Variants in TAS1R1 observed in about 807,000 individuals in gnomAD.
TAS1R1 encodes the protein taste 1 receptor member 1, also known as taste receptor type 1 member 1.
Under a neutral mutation model 45.8 loss-of-function variants are expected in TAS1R1, and 31 were observed. That is an observed-to-expected ratio of 0.68 (90% CI 0.51 to 0.91). TAS1R1 has a LOEUF of 0.91. TAS1R1 is among the 40% of genes least tolerant of loss of function. The probability of loss-of-function intolerance (pLI) is 0.00; values close to 1 mark genes in which losing one functional copy is unlikely to be tolerated. For synonymous variants in TAS1R1, 437 were observed against 448.4 expected, an observed-to-expected ratio of 0.97 and a Z score of 0.32; for missense variants, 1,051 against 1,063.9, an observed-to-expected ratio of 0.99 and a Z score of 0.17.
rs1382869711 is a variant in TAS1R1, at chr1:6,579,567, C to T, written c.2509C>T (p.Arg837Cys). ...GGCCTCCATTCAGGACTACACGAGG[C>T]GCTGCGGCTCCACCTGACCAGTGGG... The part of the protein sequence containing the change: ...FQASIQDYTR[R>C]CGST Residue 837 changes from arginine to cysteine, a missense_variant, in exon 6 of 6, where the codon CGC (arginine) becomes TGC (cysteine). Arg to Cys is a radical substitution (Grantham distance 180). Coordinates refer to ENST00000333172, the MANE Select transcript of TAS1R1 (RefSeq NM_138697.4). 1 of 1,606,324 alleles carries T rather than the reference C, an allele frequency of 6.2e-7. No homozygotes were observed. The highest frequency in any genetic ancestry group is 8.5e-7 in the Non-Finnish European group (1 of 1,177,714).
Position 6,579,708 on chromosome 1 carries a change from G to C in TAS1R1, c.*124G>C, listed in dbSNP as rs1557814912. 1 of 1,346,754 alleles carries C rather than the reference G, an allele frequency of 7.4e-7. No homozygotes were observed. The highest frequency in any genetic ancestry group is 9.9e-7 in the Non-Finnish European group (1 of 1,013,060). 83.4% of individuals were successfully genotyped at this position (1,346,754 alleles called of 1,614,324 possible). A position where few individuals can be genotyped will look rare whatever the true frequency, so the allele number is the denominator to read the frequency against. On this transcript the variant is annotated 3_prime_UTR_variant, in exon 6 of 6. Coordinates refer to ENST00000333172, the MANE Select transcript of TAS1R1 (RefSeq NM_138697.4). ...TGGGGTTGGGACGTGTAAGCGCCTG[G>C]GAGAGCCTAGACCAGGCTCCGGGCT...
In TAS1R1 at chr1:6,555,430, G is replaced by A. The variant is rs761683354; in HGVS notation, c.57G>A (p.Trp19Ter). The change falls in exon 1 of 6, where the codon TGG becomes TGA. Residue 19 changes from tryptophan (W) to a stop codon, truncating the protein, a stop_gained. Coordinates refer to ENST00000333172, the MANE Select transcript of TAS1R1 (RefSeq NM_138697.4). LOFTEE classifies it high-confidence loss of function. ...TGCAGCTTCTCATTTCCTGCTGCTGGGCCTTTGCCTGCCATAGCACGGAGT... is the reference window on the plus strand; with the variant it reads ...TGCAGCTTCTCATTTCCTGCTGCTGAGCCTTTGCCTGCCATAGCACGGAGT... ...VGLQLLISCC[W>*]AFACHSTESS... The A allele has an allele frequency of 6.2e-7, 1 of 1,607,790 alleles. No homozygotes were observed. The highest frequency in any genetic ancestry group is 1.1e-5 in the South Asian group (1 of 89,998).
intron 1 of TAS1R1, 70 bp from the exon 2 acceptor site, chr1:6,570,838 AG>A: frequency 7.1e-7 from 1 of 1,405,374 alleles, no homozygotes; most frequent in Non-Finnish European, 9.7e-7. Flanking sequence ...CAAGCCTCAG[AG>A]TCTAGGAGGC....
At chr1:6,571,478 T>C (rs1640014655) in intron 2 of TAS1R1, among the ~76,000 whole-genome samples, 1 of 152,144 alleles carries the variant, frequency 6.6e-6, no homozygotes, top group African/African-American at 2.4e-5. Flanking sequence ...CACTCAGCTG[T>C]ACCCCTGCTG....
At chr1:6,558,046 TTGTTTTTG>T (rs1195656254) in intron 1 of TAS1R1, among the ~76,000 whole-genome samples, 39 of 137,588 alleles carry the variant, frequency 2.8e-4, no homozygotes, top group Admixed American at 7.3e-4. Context: ...GTTTTTGTTT[TTGTTTTTG>T]TTTTTTTTCT....
At chr1:6,562,640 G>A (rs1488047734) in intron 1 of TAS1R1, among the ~76,000 whole-genome samples, 2 of 152,212 alleles carry the variant, frequency 1.3e-5, no homozygotes, top group Non-Finnish European at 2.9e-5. Context: ...CCTATAAGCA[G>A]GGGTGTTAGC....
At chr1:6,566,550 A>T (rs565068739) in intron 1 of TAS1R1, among the ~76,000 whole-genome samples, 2 of 152,246 alleles carry the variant, frequency 1.3e-5, no homozygotes, top group East Asian at 3.9e-4. Flanking sequence ...GATGGGCTGT[A>T]GACCCTTTTG....
chr1:6,579,626 G>T lies in TAS1R1; in HGVS notation c.*42G>T. ...CACGGCTGGCAGCCTTCTCTGCCCT[G>T]AGGGTCGAAGGTCGAGCAGGCCGGG... On this transcript the variant is annotated 3_prime_UTR_variant, in exon 6 of 6. Coordinates refer to ENST00000333172, the MANE Select transcript of TAS1R1 (RefSeq NM_138697.4). The T allele has an allele frequency of 6.4e-7, 1 of 1,565,236 alleles. No individual in the cohort carries two copies. The highest frequency in any genetic ancestry group is 2.2e-5 in the East Asian group (1 of 44,568).
At chr1:6,573,150 G>A (rs1285829831) in intron 2 of TAS1R1, among the ~76,000 whole-genome samples, 4 of 152,126 alleles carry the variant, frequency 2.6e-5, no homozygotes, top group East Asian at 1.9e-4. Context: ...TCAGAGATAC[G>A]CTCATGAAAT....
Position 6,575,302 on chromosome 1 carries a change from C to T in TAS1R1, c.1170C>T (p.Tyr390=). Residue 390 remains tyrosine (Y), a synonymous_variant, in exon 3 of 6, where the codon TAC becomes TAT. Transcript: ENST00000333172. ...CCATGAGTTCTGCCTACAACGCATA[C>T]CGGGCTGTGTATGCGGTGGCCCATG... The part of the protein sequence containing the change: ...AFSMSSAYNA[Y]RAVYAVAHGL... 2 of 1,613,000 alleles carry T rather than the reference C, an allele frequency of 1.2e-6. No individual in the cohort carries two copies. The highest frequency in any genetic ancestry group is 1.7e-6 in the Non-Finnish European group (2 of 1,179,978).
intron 3 of TAS1R1, among the ~76,000 whole-genome samples, chr1:6,575,682 A>G (rs1640150720): frequency 7.3e-6 from 1 of 136,400 alleles, no homozygotes; most frequent in African/African-American, 2.7e-5. Flanking sequence ...CCATGCCTGG[A>G]TAATTTTTCT....
Position 6,578,830 on chromosome 1 carries a change from A to C in TAS1R1, c.1772A>C (p.His591Pro). Residue 591 changes from histidine to proline, a missense_variant, in exon 6 of 6, where the codon CAC (histidine) becomes CCC (proline). Coordinates refer to ENST00000333172, the MANE Select transcript of TAS1R1 (RefSeq NM_138697.4). ...GGGACTGCTGGCCTGTTTGCCTGGC[A>C]CCTAGACACCCCTGTGGTGAGGTCA... ...LLGTAGLFAW[H>P]LDTPVVRSAG... The C allele has an allele frequency of 6.2e-7, 1 of 1,612,770 alleles. No homozygotes were observed. Among genetic ancestry groups the C allele is most frequent in the South Asian group, 1.1e-5 (1 of 90,986 alleles).
Position 6,555,357 on chromosome 1 carries a change from G to C in TAS1R1, c.-17G>C. On this transcript the variant is annotated 5_prime_UTR_variant, in exon 1 of 6. Coordinates refer to ENST00000333172, the MANE Select transcript of TAS1R1 (RefSeq NM_138697.4). ...AGGCCACTCCTTGGCCATGCCAGGC[G>C]CGGGCATCTGGCCAGCATGCTGCTC... is the stretch of plus-strand genomic sequence containing the variant. The C allele has an allele frequency of 6.4e-7, 1 of 1,561,722 alleles. No individual in the cohort carries two copies. Among genetic ancestry groups the C allele is most frequent in the African/African-American group, 1.3e-5 (1 of 74,212 alleles).
chr1:6,568,939 CA>C (rs1235966090), intron 1 of TAS1R1, among the ~76,000 whole-genome samples: 1 of 150,960 alleles, frequency 6.6e-6, no homozygotes, highest in Non-Finnish European at 1.5e-5. Flanking sequence ...AGATGTTTTT[CA>C]ATTTGGTAGA....
At chr1:6,577,904 C>T (rs917959244) in intron 5 of TAS1R1, among the ~76,000 whole-genome samples, 5 of 152,218 alleles carry the variant, frequency 3.3e-5, no homozygotes, top group African/African-American at 1.2e-4. Flanking sequence ...AGAGAGCTGT[C>T]ATCACAACTC....
At chr1:6,575,882 G>T (rs1640158734) in intron 3 of TAS1R1, among the ~76,000 whole-genome samples, 1 of 152,008 alleles carries the variant, frequency 6.6e-6, no homozygotes, top group Admixed American at 6.6e-5. Flanking sequence ...TTTGAGTAGA[G>T]ACGGGGTTTC....
chr1:6,561,888 G>C (rs201608070), intron 1 of TAS1R1, among the ~76,000 whole-genome samples: 1 of 152,146 alleles, frequency 6.6e-6, no homozygotes, highest in African/African-American at 2.4e-5. Flanking sequence ...CAGTGGAGTT[G>C]AAGGAATAAG....
chr1:6,558,307 G>A (rs888458922), intron 1 of TAS1R1, among the ~76,000 whole-genome samples: 2 of 152,136 alleles, frequency 1.3e-5, no homozygotes, highest in African/African-American at 2.4e-5. Flanking sequence ...CTCCCAGAGT[G>A]CTAAGATTAT....
At chr1:6,571,511 C>G (rs1640015473) in intron 2 of TAS1R1, among the ~76,000 whole-genome samples, 1 of 152,238 alleles carries the variant, frequency 6.6e-6, no homozygotes, top group African/African-American at 2.4e-5. Context: ...CTCCTCCCTC[C>G]AGAGGTTCCG....
Sources: gnomAD v4.1 joint callset for allele counts (sites outside exome capture counted in the v4.1 genomes callset) on GRCh38, gnomAD v4.1.1 for gene constraint, MANE v1.5 for transcripts, NCBI Gene and HGNC (gene_info 2026-07-23, HGNC 2026-07-21) for gene names.